FAF1: variants seen among roughly 807,000 people sequenced by gnomAD.
FAF1 encodes Fas associated factor 1.
A neutral mutation model predicts 92.5 loss-of-function variants in FAF1; 25 were observed. The observed-to-expected ratio is 0.27, with a 90% confidence interval of 0.20 to 0.38. The LOEUF (loss-of-function observed/expected upper bound fraction) is 0.38, where lower values mean the gene tolerates loss of function less well. FAF1 is among the 10% of genes least tolerant of loss of function. The probability of loss-of-function intolerance (pLI) is 1.00; values close to 1 mark genes in which losing one functional copy is unlikely to be tolerated. For missense variants in FAF1, 636 were observed against 793.3 expected (o/e 0.80, Z 2.38); for synonymous variants, 234 against 273.2 (o/e 0.86, Z 1.42).
At chr1:50,628,158 C>T (rs1653595884) in intron 8 of FAF1, among the ~76,000 whole-genome samples, 1 of 151,880 alleles carries the variant, frequency 6.6e-6, no homozygotes, top group African/African-American at 2.4e-5. Context: ...AGAGACTTGC[C>T]ATGTTTAAAT....
intron 8 of FAF1, among the ~76,000 whole-genome samples, chr1:50,640,284 T>G (rs926458770): frequency 1.3e-5 from 2 of 151,776 alleles, no homozygotes; most frequent in African/African-American, 4.8e-5. Context: ...CTGAAGTTTT[T>G]GTTGTGGCAA....
At chr1:50,468,205 T>A (rs1439042584) in intron 18 of FAF1, among the ~76,000 whole-genome samples, 1 of 152,082 alleles carries the variant, frequency 6.6e-6, no homozygotes, top group Non-Finnish European at 1.5e-5. Flanking sequence ...TGAGACTCTG[T>A]CTCAAACAAC....
At chr1:50,763,243 G>A (rs1021700398) in intron 4 of FAF1, among the ~76,000 whole-genome samples, 2 of 152,146 alleles carry the variant, frequency 1.3e-5, no homozygotes, top group African/African-American at 4.8e-5. Flanking sequence ...GGGTGACAGA[G>A]TTAGGCTCCA....
chr1:50,820,940 G>T (rs1412322895), intron 2 of FAF1, among the ~76,000 whole-genome samples: 1 of 152,126 alleles, frequency 6.6e-6, no homozygotes, highest in Non-Finnish European at 1.5e-5. Context: ...TAGCTAATGT[G>T]AATAATGTTG....
intron 14 of FAF1, among the ~76,000 whole-genome samples, chr1:50,538,733 T>C (rs1648615068): frequency 1.3e-5 from 2 of 152,164 alleles, no homozygotes; most frequent in African/African-American, 2.4e-5. Context: ...ATTTACCCTA[T>C]GCAAATCAGT....
intron 7 of FAF1, among the ~76,000 whole-genome samples, chr1:50,658,543 A>C (rs1213229316): frequency 6.6e-6 from 1 of 152,216 alleles, no homozygotes; most frequent in African/African-American, 2.4e-5. Flanking sequence ...AAGCCTGAAA[A>C]GCATGTCCTG....
At chr1:50,597,708 G>C (rs543116483) in intron 8 of FAF1, among the ~76,000 whole-genome samples, 1 of 152,094 alleles carries the variant, frequency 6.6e-6, no homozygotes, top group Non-Finnish European at 1.5e-5. Context: ...AATAGCTATA[G>C]TTGGCAAGAA....
chr1:50,653,242 T>C (rs1654946318), intron 8 of FAF1, among the ~76,000 whole-genome samples: 1 of 151,824 alleles, frequency 6.6e-6, no homozygotes, highest in Non-Finnish European at 1.5e-5. Context: ...CAGCCAATAA[T>C]TCTAATTATA....
rs12087317 is a variant in FAF1 at position 50,809,175 on chromosome 1, G to A, written c.115-7498C>T. On this transcript the variant is annotated intron_variant, in intron 2 of 18. Transcript: ENST00000396153. Reference sequence around the variant, plus strand: ...AACACCCACAGCAAAAAGTTAGAAAGACCTCAAATTAACAACCTAACATCA... The same window carrying A: ...AACACCCACAGCAAAAAGTTAGAAAAACCTCAAATTAACAACCTAACATCA... Among the ~76,000 whole-genome samples, 18 of 152,024 alleles carry A rather than the reference G, an allele frequency of 1.2e-4. No homozygotes were observed. The East Asian group carries it at 3.1e-3, about 26-fold the overall frequency.
At chr1:50,919,117 A>T (rs1167869651) in intron 1 of FAF1, among the ~76,000 whole-genome samples, 2 of 152,196 alleles carry the variant, frequency 1.3e-5, no homozygotes, top group East Asian at 3.8e-4. Flanking sequence ...CTCTTTAACA[A>T]AATGTTTTTA....
At chr1:50,881,013 G>A (rs1359896597) in intron 1 of FAF1, among the ~76,000 whole-genome samples, 1 of 152,134 alleles carries the variant, frequency 6.6e-6, no homozygotes, top group African/African-American at 2.4e-5. Context: ...AACATCACTA[G>A]CTTACAAACT....
intron 7 of FAF1, among the ~76,000 whole-genome samples, chr1:50,704,447 T>C (rs2124421607): frequency 6.6e-6 from 1 of 152,322 alleles, no homozygotes; most frequent in Admixed American, 6.5e-5. Flanking sequence ...CTGAAGTTAT[T>C]TTAAATCTAA....
chr1:50,811,846 C>T (rs887570458), intron 2 of FAF1, among the ~76,000 whole-genome samples: 10 of 152,254 alleles, frequency 6.6e-5, no homozygotes, highest in African/African-American at 1.9e-4. Flanking sequence ...ACCATTACAG[C>T]ATGGTACTGA....
At chr1:50,726,760 C>T (rs1476097877) in intron 6 of FAF1, among the ~76,000 whole-genome samples, 1 of 152,024 alleles carries the variant, frequency 6.6e-6, no homozygotes, top group East Asian at 1.9e-4. Context: ...ATCCGGGAGG[C>T]GGAACTTGTA....
At chr1:50,856,470 AG>A (rs1644391179) in intron 2 of FAF1, among the ~76,000 whole-genome samples, 1 of 151,844 alleles carries the variant, frequency 6.6e-6, no homozygotes, top group Non-Finnish European at 1.5e-5. Flanking sequence ...AATGGTTAAA[AG>A]CATGAATTTA....
intron 4 of FAF1, chr1:50,781,032 C>T (rs772909752): frequency 4.4e-6 from 2 of 457,590 alleles, no homozygotes; most frequent in Admixed American, 2.3e-5. Context: ...CTGTGGGTGA[C>T]AGCCTGATTG....
chr1:50,499,285 C>G (rs1472872762), intron 15 of FAF1, among the ~76,000 whole-genome samples: 1 of 151,058 alleles, frequency 6.6e-6, no homozygotes, highest in Non-Finnish European at 1.5e-5. Flanking sequence ...GTGATATGAA[C>G]AGATATCCCT....
At chr1:50,709,236 C>T (rs1657815232) in intron 6 of FAF1, among the ~76,000 whole-genome samples, 1 of 152,170 alleles carries the variant, frequency 6.6e-6, no homozygotes, top group East Asian at 1.9e-4. Context: ...TTTCAGATCA[C>T]CTTTCAGGCC....
At chr1:50,923,194 G>T (rs1644979184) in intron 1 of FAF1, among the ~76,000 whole-genome samples, 1 of 152,182 alleles carries the variant, frequency 6.6e-6, no homozygotes, top group Admixed American at 6.5e-5. Flanking sequence ...TGAGGTGGAA[G>T]GATTGCTTAA....
Sources: allele counts gnomAD v4.1 joint callset (sites outside exome capture counted in the v4.1 genomes callset), GRCh38; gene constraint gnomAD v4.1.1; transcripts MANE v1.5; gene names NCBI Gene and HGNC (gene_info 2026-07-23, HGNC 2026-07-21).